The following WWC1 variants were observed in gnomAD, a reference collection of about 807,000 sequenced individuals.
WWC1 encodes the protein protein KIBRA.
A neutral mutation model predicts 138.4 loss-of-function variants in WWC1; 55 were observed. The observed-to-expected ratio is 0.40, with a 90% CI of 0.32 to 0.50. WWC1 has a LOEUF of 0.50. Among genes scored for constraint, WWC1 ranks in the 20% least tolerant of loss-of-function variants. WWC1 has a pLI of 0.72. For missense variants in WWC1, 1,226 were observed against 1,420.4 expected (o/e 0.86, Z 2.20); for synonymous variants, 524 against 564.9 (o/e 0.93, Z 1.03).
intron 8 of WWC1, 73 bp from the exon 9 acceptor site, chr5:168,414,275 G>C: frequency 3.9e-6 from 6 of 1,555,694 alleles, no homozygotes; most frequent in Non-Finnish European, 5.2e-6. Flanking sequence ...TGAGATGTCT[G>C]TTTCTTCATG....
Position 168,372,053 on chromosome 5 carries a change from T to TTGTGTGTGTGTGTG in WWC1, c.229+548_229+561dup, listed in dbSNP as rs10595228. ...AGAGAGAGAGAGAGAAAGAGTGTGT[T>TTGTGTGTGTGTGTG]TGTGTGTGTGTGTGTGTGTGTGTGT... On this transcript the variant is annotated intron_variant, in intron 2 of 22. Transcript: ENST00000265293. Among the ~76,000 whole-genome samples the TTGTGTGTGTGTGTG allele has an allele frequency of 1.4e-3, 202 of 141,356 alleles. 1 individual carries two copies. Among genetic ancestry groups the TTGTGTGTGTGTGTG allele is most frequent in the Non-Finnish European group, 2.0e-3 (127 of 64,834 alleles). 92.7% of individuals were successfully genotyped at this position (141,356 alleles called of 152,430 possible).
intron 19 of WWC1, 121 bp from the exon 20 acceptor site, chr5:168,460,529 G>T: frequency 1.2e-6 from 1 of 843,010 alleles, no homozygotes. Context: ...AAACCTGGGT[G>T]TTTGCAGAAG....
chr5:168,369,702 A>G (rs1776587341), intron 1 of WWC1, among the ~76,000 whole-genome samples: 1 of 152,134 alleles, frequency 6.6e-6, no homozygotes, highest in African/African-American at 2.4e-5. Flanking sequence ...TATTTTTCAT[A>G]GCCTGCCAGA....
intron 2 of WWC1, among the ~76,000 whole-genome samples, chr5:168,374,295 A>G (rs1777003513): frequency 6.6e-6 from 1 of 152,180 alleles, no homozygotes; most frequent in Non-Finnish European, 1.5e-5. Context: ...AGTACACAGA[A>G]AAAAGGAGCA....
chr5:168,333,704 G>T (rs954943791), intron 1 of WWC1, among the ~76,000 whole-genome samples: 19 of 152,066 alleles, frequency 1.2e-4, no homozygotes, highest in African/African-American at 4.6e-4. Flanking sequence ...CCCCGCCCAG[G>T]CTTTACCTGC....
In WWC1 at chr5:168,399,581, G is replaced by A. The variant is rs776911038; in HGVS notation, c.590+14G>A. 11 of 1,613,438 alleles carry A rather than the reference G, an allele frequency of 6.8e-6. No homozygotes were observed. Among genetic ancestry groups the A allele is most frequent in the Non-Finnish European group, 9.3e-6 (11 of 1,179,650 alleles). ...GACCCTGAAGAAGTAAGTACACCCT[G>A]CATCCCAGAGCATGGGGGCTGCTCC... On this transcript the variant is annotated intron_variant, in intron 5 of 22. Coordinates refer to ENST00000265293, the MANE Select transcript of WWC1 (RefSeq NM_015238.3).
At chr5:168,360,668 A>G (rs1460235007) in intron 1 of WWC1, among the ~76,000 whole-genome samples, 2 of 152,264 alleles carry the variant, frequency 1.3e-5, no homozygotes, top group Admixed American at 1.3e-4. Flanking sequence ...TGCCTTGCCC[A>G]AGGGCATCGT....
At chr5:168,334,098 A>G (rs1773257675) in intron 1 of WWC1, among the ~76,000 whole-genome samples, 1 of 150,434 alleles carries the variant, frequency 6.6e-6, no homozygotes, top group Non-Finnish European at 1.5e-5. Flanking sequence ...GTGGTATACA[A>G]CTGTGGCCCC....
At chr5:168,397,469 T>G (rs1778987146) in intron 3 of WWC1, among the ~76,000 whole-genome samples, 1 of 152,158 alleles carries the variant, frequency 6.6e-6, no homozygotes, top group African/African-American at 2.4e-5. Context: ...CTTTACACTT[T>G]TTTTGTAAAC....
At chr5:168,414,660 G>A in intron 9 of WWC1, 70 bp downstream of exon 9, 4 of 1,473,794 alleles carry the variant, frequency 2.7e-6, no homozygotes, top group South Asian at 2.8e-5. Flanking sequence ...CCCCAGATGG[G>A]GGAAGAATGA....
chr5:168,384,326 CAT>C (rs1436323554), intron 2 of WWC1, among the ~76,000 whole-genome samples: 1 of 152,158 alleles, frequency 6.6e-6, no homozygotes, highest in African/African-American at 2.4e-5. Context: ...GAATCAATGA[CAT>C]GTGCTTGCTA....
rs997795799 is a variant in WWC1 at position 168,292,396 on chromosome 5, G to A, written c.119+125G>A. 8.8e-7 allele frequency: 1 copy of A among 1,137,190 alleles called. No individual in the cohort carries two copies. Among genetic ancestry groups the A allele is most frequent in the African/African-American group, 1.7e-5 (1 of 60,538 alleles). 70.4% of individuals were successfully genotyped at this position (1,137,190 alleles called of 1,614,324 possible). A position where few individuals can be genotyped will look rare whatever the true frequency, so the allele number is the denominator to read the frequency against. On this transcript the variant is annotated intron_variant, in intron 1 of 22. Transcript: ENST00000265293. This position sits in a 1 kb window ranked among gnomAD's most constrained non-coding sequence, Gnocchi z 4.4. Reference sequence around the variant, plus strand: ...CTGCGTGCCTCTTGAGCTCTCTTCAGTTCGCCACCCCCTGCTCCCCCCAAC... The same window carrying A: ...CTGCGTGCCTCTTGAGCTCTCTTCAATTCGCCACCCCCTGCTCCCCCCAAC...
chr5:168,346,705 C>A (rs1774505371), intron 1 of WWC1, among the ~76,000 whole-genome samples: 1 of 152,200 alleles, frequency 6.6e-6, no homozygotes, highest in South Asian at 2.1e-4. Flanking sequence ...CGGGACCTCC[C>A]AGGGCCCATG....
At chr5:168,431,549 G>A in intron 15 of WWC1, 105 bp downstream of exon 15, 1 of 1,313,664 alleles carries the variant, frequency 7.6e-7, no homozygotes, top group South Asian at 1.5e-5. Context: ...CTGAGCTTCA[G>A]GAAGAAGGTT....
chr5:168,447,202 A>G (rs923438133), intron 17 of WWC1, among the ~76,000 whole-genome samples: 7 of 152,236 alleles, frequency 4.6e-5, no homozygotes, highest in African/African-American at 1.7e-4. Context: ...CACTTAACAC[A>G]GACCCTGACC....
chr5:168,451,881 T>G (rs900863872), intron 17 of WWC1, among the ~76,000 whole-genome samples: 2 of 149,586 alleles, frequency 1.3e-5, no homozygotes, highest in African/African-American at 4.9e-5. Context: ...AAAATCACTT[T>G]GGAGAAGCCA....
intron 1 of WWC1, among the ~76,000 whole-genome samples, chr5:168,365,311 AG>A (rs1776200476): frequency 6.6e-6 from 1 of 152,068 alleles, no homozygotes; most frequent in African/African-American, 2.4e-5. Context: ...TGGAGTCTGG[AG>A]GGCCCTTTAG....
At chr5:168,466,284 C>T (rs1449550381) in intron 21 of WWC1, among the ~76,000 whole-genome samples, 1 of 151,910 alleles carries the variant, frequency 6.6e-6, no homozygotes, top group Non-Finnish European at 1.5e-5. Flanking sequence ...AATATGGGAC[C>T]AATATGCAAG....
rs760818700 is a variant in WWC1 at position 168,408,670 on chromosome 5, G to T, written c.867+17G>T. ...TCGGGAAGCGTGAGTAGACGGGGCA[G>T]GTTGCTGGGGGCCTTCCACAGGATG... is the stretch of plus-strand genomic sequence containing the variant. On this transcript the variant is annotated intron_variant, in intron 7 of 22. Transcript: ENST00000265293. The T allele has an allele frequency of 6.2e-7, 1 of 1,613,258 alleles. No individual in the cohort carries two copies. Among genetic ancestry groups the T allele is most frequent in the South Asian group, 1.1e-5 (1 of 90,924 alleles).
Sources: allele counts gnomAD v4.1 joint callset (sites outside exome capture counted in the v4.1 genomes callset), GRCh38; gene constraint gnomAD v4.1.1; non-coding constraint Gnocchi (gnomAD v3.1); transcripts MANE v1.5; gene names NCBI Gene and HGNC (gene_info 2026-07-23, HGNC 2026-07-21).